The following ZNF304 variants were observed in gnomAD, a reference collection of about 807,000 sequenced individuals.
ZNF304 encodes the protein KRAB-containing zinc finger protein.
ZNF304 carries 7 observed loss-of-function variants against 7.8 expected under a neutral mutation model. The ratio of observed to expected loss-of-function variants is 0.90; its 90% CI spans 0.51 to 1.69. The LOEUF is 1.69. Among genes scored for constraint, ZNF304 ranks in the 40% most tolerant of loss-of-function variants. The pLI is 0.00. For synonymous variants in ZNF304, 280 were observed against 272.4 expected, an observed-to-expected ratio of 1.03 and a Z score of -0.27; for missense variants, 669 against 804.8, an observed-to-expected ratio of 0.83 and a Z score of 2.04.
chr19:57,355,888 G>T lies in ZNF304; in HGVS notation c.161-142G>T, dbSNP rs559089086. 578 of 929,418 alleles carry T rather than the reference G, an allele frequency of 6.2e-4. 1 individual carries two copies. Among genetic ancestry groups the T allele is most frequent in the Non-Finnish European group, 8.7e-4 (531 of 610,914 alleles). 57.6% of individuals were successfully genotyped at this position (929,418 alleles called of 1,614,324 possible). ...CTGTGAGGCCCTATACTGACAACCA[G>T]CCCTTCTTTACACTGATCCTGGCCC... On this transcript the variant is annotated intron_variant, in intron 2 of 2. Transcript: ENST00000282286.
In ZNF304 at chr19:57,356,460, G is replaced by A. The variant is rs202243223; in HGVS notation, c.591G>A (p.Arg197=). ...ACAATAGGGTGAGTCCATGCAGAAG[G>A]ACTGAATGCATGGAGTCTTTCCCAC... ...TTYNRVSPCR[R]TECMESFPHS... The change falls in exon 3 of 3, where the codon AGG becomes AGA. Residue 197 remains arginine (R), a synonymous_variant. Coordinates refer to ENST00000282286, the MANE Select transcript of ZNF304 (RefSeq NM_020657.4). 10 of 1,614,026 alleles carry A rather than the reference G, an allele frequency of 6.2e-6. No homozygotes were observed. The highest frequency in any genetic ancestry group is 3.3e-4 in the Middle Eastern group (2 of 6,084).
At chr19:57,354,015 G>A (rs1302637408) in intron 2 of ZNF304, among the ~76,000 whole-genome samples, 164 bp downstream of exon 2, 2 of 150,266 alleles carry the variant, frequency 1.3e-5, no homozygotes. Flanking sequence ...TTTGTTTTTT[G>A]TTTTTTGTTT....
intron 1 of ZNF304, 121 bp from the exon 2 acceptor site, chr19:57,353,604 C>T: frequency 7.2e-7 from 1 of 1,392,680 alleles, no homozygotes; most frequent in Middle Eastern, 1.9e-4. Flanking sequence ...GTTATCTCCT[C>T]TTAGTTGGGA....
chr19:57,358,236 TCC>T lies in ZNF304; in HGVS notation c.*398_*399del, dbSNP rs112059698. ...GTAATCATGAATATTTTCAAGGACTTCCCCCCCCCCCCACTTCACCCCCTACC... is the reference window on the plus strand; with the variant it reads ...GTAATCATGAATATTTTCAAGGACTTCCCCCCCCCCACTTCACCCCCTACC... On this transcript the variant is annotated 3_prime_UTR_variant, in exon 3 of 3. Coordinates refer to ENST00000282286, the MANE Select transcript of ZNF304 (RefSeq NM_020657.4). 0.04 allele frequency: 4,358 copies of T among 107,872 alleles called. 260 individuals are homozygous for T. Among genetic ancestry groups the T allele is most frequent in the African/African-American group, 0.15 (3,997 of 27,126 alleles). 6.7% of individuals were successfully genotyped at this position (107,872 alleles called of 1,614,324 possible). A position where few individuals can be genotyped will look rare whatever the true frequency, so the allele number is the denominator to read the frequency against.
At chr19:57,353,936 C>G in intron 2 of ZNF304, 85 bp downstream of exon 2, 1 of 1,154,482 alleles carries the variant, frequency 8.7e-7, no homozygotes, top group Non-Finnish European at 1.2e-6. Flanking sequence ...TCAATTATCT[C>G]TCCAGTTTCA....
At position 57,359,348 on chromosome 19, in the gene ZNF304, G is replaced by A. The variant is rs1600070379; in HGVS notation, c.*1499G>A. 1 of 152,200 alleles carries A rather than the reference G, an allele frequency of 6.6e-6. No individual in the cohort carries two copies. The highest frequency in any genetic ancestry group is 2.4e-5 in the African/African-American group (1 of 41,440). 9.4% of individuals were successfully genotyped at this position (152,200 alleles called of 1,614,324 possible). A position where few individuals can be genotyped will look rare whatever the true frequency, so the allele number is the denominator to read the frequency against. On this transcript the variant is annotated 3_prime_UTR_variant, in exon 3 of 3. Coordinates refer to ENST00000282286, the MANE Select transcript of ZNF304 (RefSeq NM_020657.4). ...CAGGGCTCACTCTCCTAAATTGTAGGGAGAGGAATATGGTAAAGCCAAAAT... is the reference window on the plus strand; with the variant it reads ...CAGGGCTCACTCTCCTAAATTGTAGAGAGAGGAATATGGTAAAGCCAAAAT...
chr19:57,356,021 TGC>T lies in ZNF304; in HGVS notation c.161-8_161-7del, dbSNP rs1298498850. On this transcript the variant is annotated splice_region_variant and splice_polypyrimidine_tract_variant and intron_variant, in intron 2 of 2. Coordinates refer to ENST00000282286, the MANE Select transcript of ZNF304 (RefSeq NM_020657.4). ...AGCATGCACTTCACCAGCTCTTTTTTGCTTTCAGGTTTTTGGTGTGAAGCAGA... is the reference window on the plus strand; with the variant it reads ...AGCATGCACTTCACCAGCTCTTTTTTTTTCAGGTTTTTGGTGTGAAGCAGA... 46 of 1,589,598 alleles carry T rather than the reference TGC, an allele frequency of 2.9e-5. No individual in the cohort carries two copies. In the Admixed American group the frequency reaches 3.0e-4, roughly 10 times the overall value.
chr19:57,356,297 A>G lies in ZNF304; in HGVS notation c.428A>G (p.Asn143Ser). The G allele has an allele frequency of 6.2e-7, 1 of 1,614,210 alleles. No homozygotes were observed. The highest frequency in any genetic ancestry group is 8.5e-7 in the Non-Finnish European group (1 of 1,180,032). Residue 143 changes from asparagine (N) to serine (S), a missense_variant, in exon 3 of 3, where the codon AAT becomes AGT. Physicochemically the swap from Asn to Ser is conservative, Grantham distance 46. Transcript: ENST00000282286. ...CACCAGAAGCAACATAATGGAGAGA[A>G]TTGCTTCAGAGGGGATGATGGAGGG... ...YQHQKQHNGENCFRGDDGGAS... is the reference protein window; with the variant it reads ...YQHQKQHNGESCFRGDDGGAS...
chr19:57,351,388 G>A lies in ZNF304; in HGVS notation c.-277G>A. ...GCAAAGAAAGACAGTGAAGACTGCA[G>A]GACCTTCCTTCGCGCTTTTGTTACA... On this transcript the variant is annotated 5_prime_UTR_variant, in exon 1 of 3. Coordinates refer to ENST00000282286, the MANE Select transcript of ZNF304 (RefSeq NM_020657.4). The surrounding 1 kb of genome is among the most constrained non-coding windows in gnomAD (Gnocchi z 4.1). 1.8e-6 allele frequency: 1 copy of A among 541,094 alleles called. No homozygotes were observed. The highest frequency in any genetic ancestry group is 2.2e-5 in the South Asian group (1 of 44,966). The allele number at this position is 541,094 out of a possible 1,614,324, so 33.5% of individuals were successfully genotyped here.
rs552640359 is a variant in ZNF304 at position 57,351,976 on chromosome 19, C to T, written c.33+279C>T. 1.9e-5 allele frequency: 8 copies of T among 426,634 alleles called. No homozygotes were observed. The highest frequency in any genetic ancestry group is 4.1e-5 in the Admixed American group (1 of 24,546). 26.4% of individuals were successfully genotyped at this position (426,634 alleles called of 1,614,324 possible). On this transcript the variant is annotated intron_variant, in intron 1 of 2. Coordinates refer to ENST00000282286, the MANE Select transcript of ZNF304 (RefSeq NM_020657.4). The surrounding 1 kb of genome is among the most constrained non-coding windows in gnomAD (Gnocchi z 4.1). ...TCAGAGGTAGGCCTGGAATGGCCGCCCGAGGAGCTGGTCCTCTCTTCTGAG... is the reference window on the plus strand; with the variant it reads ...TCAGAGGTAGGCCTGGAATGGCCGCTCGAGGAGCTGGTCCTCTCTTCTGAG...
chr19:57,356,659 T>G lies in ZNF304; in HGVS notation c.790T>G (p.Ser264Ala), dbSNP rs2088345743. ...ATGTGGAAATGTGTTCAAGGAGAAATCAGCTCTTATTAATCACAGAAAAAT... is the reference window on the plus strand; with the variant it reads ...ATGTGGAAATGTGTTCAAGGAGAAAGCAGCTCTTATTAATCACAGAAAAAT... ...LPCGNVFKEK[S>A]ALINHRKIHS... Residue 264 changes from serine to alanine, a missense_variant, in exon 3 of 3, where the codon TCA becomes GCA. Transcript: ENST00000282286. 6.2e-7 allele frequency: 1 copy of G among 1,614,204 alleles called. No individual in the cohort carries two copies. Among genetic ancestry groups the G allele is most frequent in the Non-Finnish European group, 8.5e-7 (1 of 1,180,040 alleles).
chr19:57,355,987 A>C (rs1222771064), intron 2 of ZNF304, 43 bp from the exon 3 acceptor site: 1 of 1,559,456 alleles, frequency 6.4e-7, no homozygotes, highest in Non-Finnish European at 8.7e-7. Context: ...GCTGCCTCCC[A>C]CCAAAGTCAG....
chr19:57,353,310 G>A (rs1406272309), intron 1 of ZNF304, among the ~76,000 whole-genome samples: 4 of 152,194 alleles, frequency 2.6e-5, no homozygotes, highest in Admixed American at 6.5e-5. Flanking sequence ...GGAAGGTGTA[G>A]TCCAAAGAGT....
Position 57,359,109 on chromosome 19 carries a change from T to G in ZNF304, c.*1260T>G, listed in dbSNP as rs1342805476. ...TAGAAATTCTCAGGACCTTCAGACA[T>G]CTGTATCTCCTGTGGCCAAGGCCAC... On this transcript the variant is annotated 3_prime_UTR_variant, in exon 3 of 3. Transcript: ENST00000282286. The G allele has an allele frequency of 6.6e-6, 1 of 152,252 alleles. No homozygotes were observed. Among genetic ancestry groups the G allele is most frequent in the African/African-American group, 2.4e-5 (1 of 41,468 alleles). 9.4% of individuals were successfully genotyped at this position (152,252 alleles called of 1,614,324 possible).
In ZNF304 at chr19:57,356,030, G is replaced by A. The variant is rs771347249; in HGVS notation, c.161G>A (p.Gly54Asp). The change falls in exon 3 of 3, where the codon GGT becomes GAT. Residue 54 changes from glycine to aspartate, a missense_variant and splice_region_variant. Transcript: ENST00000282286. ...TTCACCAGCTCTTTTTTGCTTTCAG[G>A]TTTTTGGTGTGAAGCAGAACATGAG... is the stretch of plus-strand genomic sequence containing the variant. ...LENFALVATLGFWCEAEHEAP... is the reference protein window; with the variant it reads ...LENFALVATLDFWCEAEHEAP... The A allele has an allele frequency of 1.9e-6, 3 of 1,589,178 alleles. No homozygotes were observed. Among genetic ancestry groups the A allele is most frequent in the East Asian group, 2.2e-5 (1 of 44,556 alleles).
At position 57,359,802 on chromosome 19, in the gene ZNF304, A is replaced by G. The variant is rs2088398566; in HGVS notation, c.*1953A>G. The G allele has an allele frequency of 6.6e-6, 1 of 152,204 alleles. No individual in the cohort carries two copies. Among genetic ancestry groups the G allele is most frequent in the South Asian group, 2.1e-4 (1 of 4,836 alleles). 9.4% of individuals were successfully genotyped at this position (152,204 alleles called of 1,614,324 possible). ...GTATTTCAGTATTTCATTGTATACCACAATTTTTCTTCTTTGTCAACTTAA... is the reference window on the plus strand; with the variant it reads ...GTATTTCAGTATTTCATTGTATACCGCAATTTTTCTTCTTTGTCAACTTAA... On this transcript the variant is annotated 3_prime_UTR_variant, in exon 3 of 3. Transcript: ENST00000282286.
In ZNF304 at chr19:57,356,569, G is replaced by T. The variant is rs987521796; in HGVS notation, c.700G>T (p.Asp234Tyr). The T allele has an allele frequency of 6.2e-7, 1 of 1,614,124 alleles. No homozygotes were observed. Among genetic ancestry groups the T allele is most frequent in the Non-Finnish European group, 8.5e-7 (1 of 1,180,012 alleles). ...CGGTGATGAAGGGAAAGCCTTCCTGGACACCTTTACTCTTCTTGACAGCCA... is the reference window on the plus strand; with the variant it reads ...CGGTGATGAAGGGAAAGCCTTCCTGTACACCTTTACTCTTCTTGACAGCCA... ...SCGDEGKAFLDTFTLLDSQMT... is the reference protein window; with the variant it reads ...SCGDEGKAFLYTFTLLDSQMT... The change falls in exon 3 of 3, where the codon GAC becomes TAC. Residue 234 changes from aspartate to tyrosine, a missense_variant. Asp to Tyr is a radical substitution (Grantham distance 160). Coordinates refer to ENST00000282286, the MANE Select transcript of ZNF304 (RefSeq NM_020657.4).
rs2122990379 is a variant in ZNF304 at position 57,357,720 on chromosome 19, C to T, written c.1851C>T (p.Cys617=). 6.2e-7 allele frequency: 1 copy of T among 1,614,248 alleles called. No homozygotes were observed. Among genetic ancestry groups the T allele is most frequent in the Admixed American group, 1.7e-5 (1 of 60,028 alleles). Residue 617 remains cysteine, a synonymous_variant, in exon 3 of 3, where the codon TGC becomes TGT. Transcript: ENST00000282286. ...ACACTGGAGAAAAGCCTTACGTATG[C>T]AGCGAATGTGGGAAAGCCTATAGCA... ...RVHTGEKPYV[C]SECGKAYSRS... is the part of the protein sequence containing the mutation.
chr19:57,356,015 C>T lies in ZNF304; in HGVS notation c.161-15C>T, dbSNP rs1193652073. 19 of 1,587,026 alleles carry T rather than the reference C, an allele frequency of 1.2e-5. No individual in the cohort carries two copies. Among genetic ancestry groups the T allele is most frequent in the Non-Finnish European group, 1.6e-5 (19 of 1,164,254 alleles). On this transcript the variant is annotated splice_polypyrimidine_tract_variant and intron_variant, in intron 2 of 2. Coordinates refer to ENST00000282286, the MANE Select transcript of ZNF304 (RefSeq NM_020657.4). ...AAAGTCAGCATGCACTTCACCAGCT[C>T]TTTTTTGCTTTCAGGTTTTTGGTGT...
Sources: allele counts gnomAD v4.1 joint callset (sites outside exome capture counted in the v4.1 genomes callset), GRCh38; gene constraint gnomAD v4.1.1; non-coding constraint Gnocchi (gnomAD v3.1); transcripts MANE v1.5; gene names NCBI Gene and HGNC (gene_info 2026-07-23, HGNC 2026-07-21).